Variants in CNTNAP3 observed in about 807,000 individuals in gnomAD.
The protein encoded by CNTNAP3 is contactin associated protein family member 3.
A neutral mutation model predicts 92.1 loss-of-function variants in CNTNAP3; 36 were observed. The ratio of observed to expected loss-of-function variants is 0.39; its 90% confidence interval spans 0.30 to 0.52. CNTNAP3 has a LOEUF of 0.52. CNTNAP3 is among the 20% of genes least tolerant of loss of function. The pLI is 0.76. For missense variants in CNTNAP3, 534 were observed against 1,069.6 expected, an observed-to-expected ratio of 0.50 and a Z score of 6.98; for synonymous variants, 232 against 422.3, an observed-to-expected ratio of 0.55 and a Z score of 5.53.
chr9:39,142,860 C>A (rs1440514607), intron 11 of CNTNAP3, among the ~76,000 whole-genome samples: 5 of 152,030 alleles, frequency 3.3e-5, no homozygotes, highest in African/African-American at 4.8e-5. Flanking sequence ...GTGGTTTTAA[C>A]ACTCCACAGC....
intron 11 of CNTNAP3, among the ~76,000 whole-genome samples, chr9:39,142,891 T>C (rs557525933): frequency 2.2e-4 from 33 of 152,104 alleles, no homozygotes; most frequent in African/African-American, 8.0e-4. Flanking sequence ...CCTGTGGCTT[T>C]TGTGAAAATC....
rs778706915 is a variant in CNTNAP3, at chr9:39,109,214, G to A, written c.2311C>T (p.Arg771Ter). The change falls in exon 15 of 24, where the codon CGA becomes TGA. Residue 771 changes from arginine to a stop codon, truncating the protein, a stop_gained. Coordinates refer to ENST00000297668, the MANE Select transcript of CNTNAP3 (RefSeq NM_033655.5). LOFTEE classifies it high-confidence loss of function. ...GTATAAGCTGCTTCGGAATGTGGTC[G>A]GCCTGCGTCTGTCATCACAATCTGA... Reference protein sequence around the residue: ...VTQIVMTDAGRPHSEAAYTLG... With the variant: ...VTQIVMTDAG 8.7e-6 allele frequency: 14 copies of A among 1,612,936 alleles called. No homozygotes were observed. The highest frequency in any genetic ancestry group is 4.5e-5 in the East Asian group (2 of 44,874).
At chr9:39,108,273 C>T (rs1428284597) in intron 15 of CNTNAP3, among the ~76,000 whole-genome samples, 1 of 149,302 alleles carries the variant, frequency 6.7e-6, no homozygotes, top group African/African-American at 2.6e-5. Context: ...ACAAGCCGGT[C>T]CCCCCCCTCT....
chr9:39,096,009 T>C (rs4996651), intron 18 of CNTNAP3, among the ~76,000 whole-genome samples: 34,889 of 151,274 alleles, frequency 0.23, 4,330 homozygotes, highest in East Asian at 0.38. Context: ...TCTTTGTTCC[T>C]CTGACTCATG....
At chr9:39,109,706 A>C (rs1826696181) in intron 14 of CNTNAP3, among the ~76,000 whole-genome samples, 1 of 152,200 alleles carries the variant, frequency 6.6e-6, no homozygotes, top group Admixed American at 6.5e-5. Context: ...GCTCACTGCC[A>C]TGCAAAAATA....
At chr9:39,124,134 G>A (rs1166664655) in intron 13 of CNTNAP3, among the ~76,000 whole-genome samples, 1 of 151,856 alleles carries the variant, frequency 6.6e-6, no homozygotes, top group African/African-American at 2.4e-5. Context: ...TGATAATAAT[G>A]TAATACAAAA....
At position 39,071,483 on chromosome 9, in the gene CNTNAP3, T is replaced by A. The variant is rs1467416970; in HGVS notation, c.*2407A>T. On this transcript the variant is annotated 3_prime_UTR_variant, in exon 24 of 24. Coordinates refer to ENST00000297668, the MANE Select transcript of CNTNAP3 (RefSeq NM_033655.5). ...ATTCTGAAGTTTTTAAGCATCAGAA[T>A]CTTCAGCTTTCTCAAATGAAGAATG... Among the ~76,000 whole-genome samples, 2 of 151,902 alleles carry A rather than the reference T, an allele frequency of 1.3e-5. No homozygotes were observed. Among genetic ancestry groups the A allele is most frequent in the Non-Finnish European group, 2.9e-5 (2 of 67,926 alleles).
rs1236510015 is a variant in CNTNAP3, at chr9:39,256,381, G to T, written c.196+10515C>A. Among the ~76,000 whole-genome samples the T allele has an allele frequency of 9.3e-5, 2 of 21,614 alleles. 1 individual carries two copies. The highest frequency in any genetic ancestry group is 2.1e-4 in the Non-Finnish European group (2 of 9,562). The allele number at this position is 21,614 out of a possible 152,430, so 14.2% of individuals were successfully genotyped here. ...AGTGCCAGACATATTTAGCATGCAGGCTTAGTAAAAATCTAGATTAGATCT... is the reference window on the plus strand; with the variant it reads ...AGTGCCAGACATATTTAGCATGCAGTCTTAGTAAAAATCTAGATTAGATCT... On this transcript the variant is annotated intron_variant, in intron 2 of 23. Coordinates refer to ENST00000297668, the MANE Select transcript of CNTNAP3 (RefSeq NM_033655.5).
At chr9:39,097,480 G>A (rs1242734455) in intron 18 of CNTNAP3, among the ~76,000 whole-genome samples, 1 of 152,030 alleles carries the variant, frequency 6.6e-6, no homozygotes, top group Admixed American at 6.5e-5. Flanking sequence ...CTGGAGTGAG[G>A]GCAATTGGGA....
intron 21 of CNTNAP3, among the ~76,000 whole-genome samples, chr9:39,083,591 G>T (rs575796852): frequency 6.7e-6 from 1 of 149,878 alleles, no homozygotes; most frequent in Non-Finnish European, 1.5e-5. Context: ...CCTGGGAGGC[G>T]GAGGTTGCAG....
rs1825657471 is a variant in CNTNAP3 at position 39,072,791 on chromosome 9, A to C, written c.*1099T>G. On this transcript the variant is annotated 3_prime_UTR_variant, in exon 24 of 24. Transcript: ENST00000297668. Reference sequence around the variant, plus strand: ...CTTCAGTTAAGCTATTTTTTTAATAAATTGAAAAGATGTTCTGTACAACAT... The same window carrying C: ...CTTCAGTTAAGCTATTTTTTTAATACATTGAAAAGATGTTCTGTACAACAT... 6.6e-6 allele frequency: 1 copy of C among 152,316 alleles called. No homozygotes were observed. The highest frequency in any genetic ancestry group is 2.1e-4 in the South Asian group (1 of 4,838). 9.4% of individuals were successfully genotyped at this position (152,316 alleles called of 1,614,324 possible). A position where few individuals can be genotyped will look rare whatever the true frequency, so the allele number is the denominator to read the frequency against.
chr9:39,106,671 C>T (rs575427123), intron 15 of CNTNAP3: 4 of 152,050 alleles, frequency 2.6e-5, no homozygotes, highest in Admixed American at 6.5e-5. Flanking sequence ...AATACAGCCA[C>T]GTTTGGAGAG....
chr9:39,098,344 G>T (rs1826373732), intron 18 of CNTNAP3, among the ~76,000 whole-genome samples: 1 of 151,060 alleles, frequency 6.6e-6, no homozygotes, highest in Non-Finnish European at 1.5e-5. Flanking sequence ...GACAATGTTG[G>T]GTGATGATCA....
intron 10 of CNTNAP3, among the ~76,000 whole-genome samples, chr9:39,149,356 G>GTT (rs776205980): frequency 6.9e-6 from 1 of 145,598 alleles, no homozygotes; most frequent in African/African-American, 2.5e-5. Context: ...TTTTGTTTTT[G>GTT]TTTTTTTTTT....
At chr9:39,090,089 G>A (rs1314984405) in intron 18 of CNTNAP3, among the ~76,000 whole-genome samples, 3 of 152,026 alleles carry the variant, frequency 2.0e-5, no homozygotes, top group Non-Finnish European at 4.4e-5. Context: ...ACAGGCGCCC[G>A]CCACTACGCG....
At chr9:39,174,601 T>A (rs1408969325) in intron 7 of CNTNAP3, 2 of 672,650 alleles carry the variant, frequency 3.0e-6, no homozygotes, top group Non-Finnish European at 5.5e-6. Flanking sequence ...ATTCCCATGA[T>A]GTGCTGCTGA....
At chr9:39,138,409 G>A (rs1175973338) in intron 12 of CNTNAP3, among the ~76,000 whole-genome samples, 2 of 152,162 alleles carry the variant, frequency 1.3e-5, no homozygotes, top group Non-Finnish European at 2.9e-5. Flanking sequence ...ATGGCCAGAG[G>A]TGGGTAATTT....
chr9:39,148,248 A>G (rs1821750435), intron 10 of CNTNAP3, among the ~76,000 whole-genome samples: 2 of 152,258 alleles, frequency 1.3e-5, no homozygotes, highest in East Asian at 1.9e-4. Flanking sequence ...TGCACTTCAT[A>G]TACTCCTCAT....
chr9:39,119,097 T>C lies in CNTNAP3; in HGVS notation c.2081-838A>G, dbSNP rs568171905. Among the ~76,000 whole-genome samples, 3 of 151,590 alleles carry C rather than the reference T, an allele frequency of 2.0e-5. No individual in the cohort carries two copies. In the South Asian group the frequency reaches 6.3e-4, roughly 32 times the overall value. On this transcript the variant is annotated intron_variant, in intron 13 of 23. Coordinates refer to ENST00000297668, the MANE Select transcript of CNTNAP3 (RefSeq NM_033655.5). Reference sequence around the variant, plus strand: ...CACCTATCTTAAAAAAGGAAGGGGGTCAGGGGCCACAAGTTGCAGTCATCA... The same window carrying C: ...CACCTATCTTAAAAAAGGAAGGGGGCCAGGGGCCACAAGTTGCAGTCATCA...
Sources: gnomAD v4.1 joint callset for allele counts (sites outside exome capture counted in the v4.1 genomes callset) on GRCh38, gnomAD v4.1.1 for gene constraint, MANE v1.5 for transcripts, NCBI Gene and HGNC (gene_info 2026-07-23, HGNC 2026-07-21) for gene names.